Variants in ITPK1 observed in about 807,000 individuals in gnomAD.
The protein encoded by ITPK1 is inositol 1,3,4-trisphosphate 5/6-kinase.
A neutral mutation model predicts 45.3 loss-of-function variants in ITPK1; 21 were observed. That is an observed-to-expected ratio of 0.46 (90% CI 0.33 to 0.67). The LOEUF is 0.67. Among genes scored for constraint, ITPK1 ranks in the 30% least tolerant of loss-of-function variants. The pLI is 0.02. For synonymous variants in ITPK1, 258 were observed against 253.6 expected, an observed-to-expected ratio of 1.02 and a Z score of -0.16; for missense variants, 474 against 573.5, an observed-to-expected ratio of 0.83 and a Z score of 1.77.
intron 4 of ITPK1, among the ~76,000 whole-genome samples, chr14:93,002,800 G>A (rs1033737800): frequency 1.4e-4 from 21 of 152,176 alleles, no homozygotes; most frequent in Non-Finnish European, 2.6e-4. Context: ...CAGTGGTAGC[G>A]AGGCCAAGGT....
At position 93,115,835 on chromosome 14, in the gene ITPK1, G is replaced by T; in HGVS notation, c.-206C>A. 6.8e-6 allele frequency: 1 copy of T among 147,090 alleles called. No individual in the cohort carries two copies. The highest frequency in any genetic ancestry group is 1.9e-4 in the South Asian group (1 of 5,396). 9.1% of individuals were successfully genotyped at this position (147,090 alleles called of 1,614,324 possible). A position where few individuals can be genotyped will look rare whatever the true frequency, so the allele number is the denominator to read the frequency against. Reference sequence around the variant, plus strand: ...TCGCGCGCTGCCCGCCGAGAAGGGCGGCGGCGAGCGCCCGCGCACTCGCCG... The same window carrying T: ...TCGCGCGCTGCCCGCCGAGAAGGGCTGCGGCGAGCGCCCGCGCACTCGCCG... On this transcript the variant is annotated 5_prime_UTR_variant, in exon 1 of 11. Transcript: ENST00000267615.
intron 2 of ITPK1, among the ~76,000 whole-genome samples, chr14:93,107,205 G>A (rs1012941438): frequency 1.3e-5 from 2 of 152,088 alleles, no homozygotes; most frequent in African/African-American, 2.4e-5. Flanking sequence ...CAATCTGCCC[G>A]CCTCAGCCTC....
chr14:93,089,105 A>C (rs1267166966), intron 2 of ITPK1, among the ~76,000 whole-genome samples: 1 of 152,038 alleles, frequency 6.6e-6, no homozygotes, highest in Non-Finnish European at 1.5e-5. Context: ...TCTCCACCCA[A>C]CCACCTGCTG....
chr14:93,027,918 G>A (rs933766117), intron 3 of ITPK1, among the ~76,000 whole-genome samples: 1 of 152,170 alleles, frequency 6.6e-6, no homozygotes, highest in Non-Finnish European at 1.5e-5. Context: ...TCTGCCCTGA[G>A]GCTTCAGTAC....
Position 92,939,674 on chromosome 14 carries a change from A to C in ITPK1, c.*1887T>G, listed in dbSNP as rs1887258731. 12 of 985,056 alleles carry C rather than the reference A, an allele frequency of 1.2e-5. No individual in the cohort carries two copies. The highest frequency in any genetic ancestry group is 1.3e-5 in the Non-Finnish European group (11 of 829,872). The allele number at this position is 985,056 out of a possible 1,614,324, so 61.0% of individuals were successfully genotyped here. ...CTCGGTATCTGGGCCCTGGACGCGC[A>C]AGACCCCGGAGGCCACAAACGGTAC... On this transcript the variant is annotated 3_prime_UTR_variant, in exon 11 of 11. Transcript: ENST00000267615.
At chr14:92,987,339 C>T (rs1886538668) in intron 5 of ITPK1, among the ~76,000 whole-genome samples, 2 of 152,150 alleles carry the variant, frequency 1.3e-5, no homozygotes, top group South Asian at 2.1e-4. Context: ...AATGTGGGGG[C>T]GTGCTCCCTG....
At chr14:92,967,958 A>G (rs1885462152) in intron 5 of ITPK1, among the ~76,000 whole-genome samples, 1 of 152,200 alleles carries the variant, frequency 6.6e-6, no homozygotes, top group African/African-American at 2.4e-5. Flanking sequence ...GGGTGATGAA[A>G]ATGTTCTAGA....
At chr14:93,108,905 C>T (rs1466420318) in intron 2 of ITPK1, among the ~76,000 whole-genome samples, 1 of 152,060 alleles carries the variant, frequency 6.6e-6, no homozygotes, top group African/African-American at 2.4e-5. Context: ...TCCAGCTACT[C>T]GGGAGGCTAA....
chr14:92,953,904 A>C (rs981455569), intron 8 of ITPK1, among the ~76,000 whole-genome samples: 1 of 151,746 alleles, frequency 6.6e-6, no homozygotes, highest in African/African-American at 2.4e-5. Flanking sequence ...TTTTCTTTTT[A>C]TTTTTTTGAG....
intron 2 of ITPK1, among the ~76,000 whole-genome samples, chr14:93,101,092 C>T (rs1338558565): frequency 1.3e-5 from 2 of 152,314 alleles, no homozygotes; most frequent in Middle Eastern, 6.8e-3. Flanking sequence ...AAAAATAACT[C>T]ATCCTGGCCG....
intron 3 of ITPK1, among the ~76,000 whole-genome samples, chr14:93,073,525 C>T (rs1463000590): frequency 6.6e-6 from 1 of 152,208 alleles, no homozygotes; most frequent in Admixed American, 6.5e-5. Flanking sequence ...GTTACTGTTG[C>T]CATTAAATAA....
At chr14:93,040,231 C>T (rs1326680027) in intron 3 of ITPK1, among the ~76,000 whole-genome samples, 1 of 152,234 alleles carries the variant, frequency 6.6e-6, no homozygotes, top group African/African-American at 2.4e-5. Flanking sequence ...AAACTGAGGA[C>T]TCAGAGGGTC....
chr14:93,035,367 G>A (rs1472160313), intron 3 of ITPK1, among the ~76,000 whole-genome samples: 1 of 152,174 alleles, frequency 6.6e-6, no homozygotes, highest in Non-Finnish European at 1.5e-5. Context: ...ATTCACGCTG[G>A]GCAGTCAAAA....
At chr14:93,082,987 G>A (rs1174553051) in intron 2 of ITPK1, among the ~76,000 whole-genome samples, 3 of 152,206 alleles carry the variant, frequency 2.0e-5, no homozygotes, top group African/African-American at 4.8e-5. Flanking sequence ...GTCGCTGGCC[G>A]CTGAGCAGCA....
chr14:93,071,002 A>G (rs1566769170), intron 3 of ITPK1: 1 of 153,774 alleles, frequency 6.5e-6, no homozygotes, highest in Non-Finnish European at 1.5e-5. Context: ...CACCATCACC[A>G]TCATGACAAG....
chr14:92,994,213 C>A (rs779688178), intron 4 of ITPK1, among the ~76,000 whole-genome samples: 13 of 152,230 alleles, frequency 8.5e-5, no homozygotes, highest in African/African-American at 1.2e-4. Context: ...GAGCACCACA[C>A]AGAAGACAGA....
At chr14:93,107,353 C>T (rs1892566602) in intron 2 of ITPK1, among the ~76,000 whole-genome samples, 1 of 152,184 alleles carries the variant, frequency 6.6e-6, no homozygotes, top group African/African-American at 2.4e-5. Flanking sequence ...CTTCATAGAA[C>T]CAACTACTTA....
At chr14:93,083,890 G>C (rs1382618470) in intron 2 of ITPK1, among the ~76,000 whole-genome samples, 2 of 152,180 alleles carry the variant, frequency 1.3e-5, no homozygotes, top group East Asian at 3.8e-4. Flanking sequence ...ACTGGGCAGA[G>C]AGAAAGGCTG....
intron 4 of ITPK1, among the ~76,000 whole-genome samples, chr14:92,994,296 C>T (rs1026487087): frequency 6.6e-6 from 1 of 152,230 alleles, no homozygotes; most frequent in Non-Finnish European, 1.5e-5. Flanking sequence ...CAGATCCACT[C>T]CAGGCACTGG....
Sources: gnomAD v4.1 joint callset for allele counts (sites outside exome capture counted in the v4.1 genomes callset) on GRCh38, gnomAD v4.1.1 for gene constraint, MANE v1.5 for transcripts, NCBI Gene and HGNC (gene_info 2026-07-23, HGNC 2026-07-21) for gene names.